GOLT1A: variants seen among roughly 807,000 people sequenced by gnomAD.
The protein encoded by GOLT1A is golgi transport 1A, also known as vesicle transport protein GOT1A.
A neutral mutation model predicts 16.1 loss-of-function variants in GOLT1A; 10 were observed. The ratio of observed to expected loss-of-function variants is 0.62; its 90% confidence interval spans 0.38 to 1.05. The LOEUF is 1.05. Among genes scored for constraint, GOLT1A ranks in the 50% least tolerant of loss-of-function variants. GOLT1A has a pLI of 0.01. For synonymous variants in GOLT1A, 60 were observed against 67.9 expected (o/e 0.88, Z 0.57); for missense variants, 137 against 165.7 (o/e 0.83, Z 0.95).
intron 2 of GOLT1A, 126 bp downstream of exon 2, chr1:204,202,770 T>G: frequency 1.4e-6 from 1 of 718,688 alleles, no homozygotes; most frequent in Non-Finnish European, 2.5e-6. Flanking sequence ...AAACTTGGGA[T>G]TTACTTAAGG....
rs2102342471 is a variant in GOLT1A at position 204,213,930 on chromosome 1, T to A, written c.-24A>T. The A allele has an allele frequency of 6.2e-7, 1 of 1,612,246 alleles. No homozygotes were observed. Among genetic ancestry groups the A allele is most frequent in the African/African-American group, 1.3e-5 (1 of 75,046 alleles). ...ATGCCGCACTCAGCCTGGGGGGCTT[T>A]CCGGGTGGAAGCGGGCAAGTGGAGC... On this transcript the variant is annotated 5_prime_UTR_variant, in exon 1 of 5. Transcript: ENST00000308302.
rs113451488 is a variant in GOLT1A, at chr1:204,211,624, G to A, written c.25+2258C>T. ...ATTTGGTAAGAGTATATTACTTGCAGGCTAATTGGTTTAACAAAGTGTCAG... is the reference window on the plus strand; with the variant it reads ...ATTTGGTAAGAGTATATTACTTGCAAGCTAATTGGTTTAACAAAGTGTCAG... On this transcript the variant is annotated intron_variant, in intron 1 of 4. Transcript: ENST00000308302. 1.3e-3 allele frequency among the ~76,000 whole-genome samples: 198 copies of A among 152,268 alleles called. 1 individual carries two copies. Among genetic ancestry groups the A allele is most frequent in the African/African-American group, 4.6e-3 (193 of 41,548 alleles).
chr1:204,212,429 G>A (rs1263530711), intron 1 of GOLT1A, among the ~76,000 whole-genome samples: 1 of 152,096 alleles, frequency 6.6e-6, no homozygotes, highest in Non-Finnish European at 1.5e-5. Flanking sequence ...GAGAAGTCAG[G>A]AGTTCGAGAC....
chr1:204,202,874 G>A, intron 2 of GOLT1A, 22 bp downstream of exon 2: 2 of 1,580,404 alleles, frequency 1.3e-6, no homozygotes, highest in Non-Finnish European at 1.7e-6. Context: ...GGGGAGTGGG[G>A]ACACAGGGCT....
At chr1:204,212,560 C>T (rs1219847275) in intron 1 of GOLT1A, among the ~76,000 whole-genome samples, 1 of 151,080 alleles carries the variant, frequency 6.6e-6, no homozygotes, top group Non-Finnish European at 1.5e-5. Context: ...TCGCTTGAAC[C>T]CAGGAGGTGG....
At chr1:204,207,646 C>T (rs2102338787) in intron 1 of GOLT1A, among the ~76,000 whole-genome samples, 1 of 152,350 alleles carries the variant, frequency 6.6e-6, no homozygotes, top group Admixed American at 6.5e-5. Context: ...GTCCTTCTGG[C>T]CTCAGGCACG....
At chr1:204,201,858 A>C (rs745675532) in intron 2 of GOLT1A, 47 bp from the exon 3 acceptor site, 3 of 1,579,338 alleles carry the variant, frequency 1.9e-6, no homozygotes, top group Non-Finnish European at 2.6e-6. Flanking sequence ...CAGCCCCCTG[A>C]GGAGTGAGGG....
intron 1 of GOLT1A, among the ~76,000 whole-genome samples, chr1:204,211,939 T>C (rs1357169474): frequency 6.6e-6 from 1 of 152,064 alleles, no homozygotes; most frequent in Non-Finnish European, 1.5e-5. Context: ...ATGTCAATAG[T>C]GGGGAGGTGA....
chr1:204,208,476 G>GTGTGTATATATA (rs1286299770), intron 1 of GOLT1A, among the ~76,000 whole-genome samples: 67 of 39,918 alleles, frequency 1.7e-3, no homozygotes, highest in African/African-American at 4.8e-3. Flanking sequence ...GTGTGTGTGT[G>GTGTGTATATATA]TATATATATA....
At chr1:204,204,177 C>T (rs760450923) in intron 1 of GOLT1A, among the ~76,000 whole-genome samples, 19 of 152,074 alleles carry the variant, frequency 1.2e-4, no homozygotes, top group African/African-American at 1.7e-4. Flanking sequence ...ATTGTGGCAA[C>T]GTGCACATAA....
intron 1 of GOLT1A, among the ~76,000 whole-genome samples, chr1:204,204,212 T>TA (rs748325264): frequency 6.6e-6 from 1 of 152,186 alleles, no homozygotes; most frequent in Admixed American, 6.5e-5. Context: ...TCTAACCATT[T>TA]AAAAATGTAC....
chr1:204,212,867 C>T (rs1017950023), intron 1 of GOLT1A, among the ~76,000 whole-genome samples: 1 of 152,168 alleles, frequency 6.6e-6, no homozygotes, highest in African/African-American at 2.4e-5. Flanking sequence ...TCACTTTGCT[C>T]CAGGTATACC....
chr1:204,200,299 G>GTATATATATATATATATATATGTATA (rs1658933697), intron 3 of GOLT1A, among the ~76,000 whole-genome samples: 1 of 82,684 alleles, frequency 1.2e-5, no homozygotes, highest in Non-Finnish European at 2.3e-5. Context: ...ACATATATGT[G>GTATATATATATATATATATATGTATA]TATATATATA....
In GOLT1A at chr1:204,198,449, C is replaced by G. The variant is rs774815246; in HGVS notation, c.*9G>C. 1.2e-6 allele frequency: 2 copies of G among 1,613,404 alleles called. No individual in the cohort carries two copies. Among genetic ancestry groups the G allele is most frequent in the African/African-American group, 2.7e-5 (2 of 74,902 alleles). ...AATGATCCAAGTTCAAGGAGCTCAT[C>G]TCTGTTTTTCAGACCATCGAGCTAG... On this transcript the variant is annotated 3_prime_UTR_variant, in exon 5 of 5. Transcript: ENST00000308302.
At chr1:204,206,332 A>G (rs1161184041) in intron 1 of GOLT1A, among the ~76,000 whole-genome samples, 1 of 151,968 alleles carries the variant, frequency 6.6e-6, no homozygotes, top group African/African-American at 2.4e-5. Context: ...TCCTACTTCT[A>G]CCTCCTCCTG....
At position 204,201,702 on chromosome 1, in the gene GOLT1A, A is replaced by G; in HGVS notation, c.227T>C (p.Val76Ala). 1 of 1,614,116 alleles carries G rather than the reference A, an allele frequency of 6.2e-7. No homozygotes were observed. Among genetic ancestry groups the G allele is most frequent in the South Asian group, 1.1e-5 (1 of 91,072 alleles). The change falls in exon 3 of 5, where the codon GTT becomes GCT. Residue 76 changes from valine to alanine, a missense_variant. Physicochemically the swap from Val to Ala is moderately conservative, Grantham distance 64 (BLOSUM62 0). Transcript: ENST00000308302. ...GAGGGGCCAGCGTAGGAGCACGATA[A>G]CCACACCCCCCAGGAGGAAGCTGGT... is the stretch of plus-strand genomic sequence containing the variant. ...KGTSFLLGGV[V>A]IVLLRWPLLG... is the part of the protein sequence containing the mutation.
At chr1:204,213,712 G>A (rs1659173353) in intron 1 of GOLT1A, among the ~76,000 whole-genome samples, 170 bp downstream of exon 1, 1 of 152,174 alleles carries the variant, frequency 6.6e-6, no homozygotes, top group African/African-American at 2.4e-5. Flanking sequence ...CTGGAGGGTA[G>A]GGAGCCACAC....
At chr1:204,200,299 G>GTGTGTGTGTGTGTGTATA in intron 3 of GOLT1A, among the ~76,000 whole-genome samples, 1 of 82,684 alleles carries the variant, frequency 1.2e-5, no homozygotes, top group African/African-American at 5.5e-5. Context: ...ACATATATGT[G>GTGTGTGTGTGTGTGTATA]TATATATATA....
intron 1 of GOLT1A, among the ~76,000 whole-genome samples, chr1:204,204,792 A>G (rs1428118441): frequency 2.6e-5 from 4 of 152,224 alleles, no homozygotes; most frequent in Admixed American, 2.0e-4. Flanking sequence ...GCAACAGTAC[A>G]CAAGAGTTCT....
Sources: allele counts gnomAD v4.1 joint callset (sites outside exome capture counted in the v4.1 genomes callset), GRCh38; gene constraint gnomAD v4.1.1; transcripts MANE v1.5; gene names NCBI Gene and HGNC (gene_info 2026-07-23, HGNC 2026-07-21).